C2orf76: variants seen among roughly 807,000 people sequenced by gnomAD.
C2orf76 encodes the protein UPF0538 protein C2orf76.
Under a neutral mutation model 16.9 loss-of-function variants are expected in C2orf76, and 23 were observed. The observed-to-expected ratio is 1.36, with a 90% confidence interval of 0.98 to 1.93. The LOEUF is 1.93. Ranked by LOEUF, C2orf76 falls within the 30% of genes most tolerant of loss-of-function variation. C2orf76 has a pLI of 0.00. For synonymous variants in C2orf76, 48 were observed against 52.3 expected (o/e 0.92, Z 0.35); for missense variants, 152 against 152.6 (o/e 1.00, Z 0.02).
chr2:119,312,609 A>T (rs1370736766), intron 4 of C2orf76, among the ~76,000 whole-genome samples: 1 of 152,180 alleles, frequency 6.6e-6, no homozygotes, highest in Non-Finnish European at 1.5e-5. Flanking sequence ...CAAGCTAAAA[A>T]ACATCTGGTT....
chr2:119,318,422 C>G (rs1679244591), intron 3 of C2orf76, among the ~76,000 whole-genome samples: 1 of 152,070 alleles, frequency 6.6e-6, no homozygotes, highest in South Asian at 2.1e-4. Context: ...TAAAACAGAC[C>G]TTATTTAACT....
chr2:119,301,470 G>A (rs1329889336), downstream of C2orf76, among the ~76,000 whole-genome samples: 2 of 152,162 alleles, frequency 1.3e-5, no homozygotes, highest in African/African-American at 4.8e-5. Context: ...GACTCAAGGA[G>A]CAATGGCAGA....
chr2:119,312,794 G>A (rs188673014), intron 4 of C2orf76, among the ~76,000 whole-genome samples: 10 of 151,966 alleles, frequency 6.6e-5, no homozygotes, highest in South Asian at 2.1e-4. Flanking sequence ...TTGGCAGGCC[G>A]AGGCAGGCAG....
chr2:119,355,559 G>C (rs1277298889), intron 1 of C2orf76, among the ~76,000 whole-genome samples: 1 of 152,158 alleles, frequency 6.6e-6, no homozygotes, highest in Non-Finnish European at 1.5e-5. Flanking sequence ...GATTGCCCCT[G>C]TGGGACCTAT....
chr2:119,321,038 C>T (rs1422369847), intron 3 of C2orf76, 116 bp downstream of exon 3: 6 of 515,038 alleles, frequency 1.2e-5, no homozygotes, highest in Non-Finnish European at 2.0e-5. Context: ...TCTAAATAAA[C>T]TTCCAAATTG....
In C2orf76 at chr2:119,329,812, G is replaced by A. The variant is rs558831068; in HGVS notation, c.134-8608C>T. Among the ~76,000 whole-genome samples, 22 of 151,750 alleles carry A rather than the reference G, an allele frequency of 1.4e-4. No homozygotes were observed. In the South Asian group the frequency reaches 4.6e-3, roughly 32 times the overall value. ...AAATTTCCCACAAAACCCACAATAC[G>A]TTGTTGTTGTGTTTCTTTAAATGGT... is the stretch of plus-strand genomic sequence containing the variant. On this transcript the variant is annotated intron_variant, in intron 2 of 5. Coordinates refer to ENST00000334816, the MANE Select transcript of C2orf76 (RefSeq NM_001322331.2).
At chr2:119,365,121 A>G (rs1309691551) in intron 1 of C2orf76, among the ~76,000 whole-genome samples, 1 of 152,124 alleles carries the variant, frequency 6.6e-6, no homozygotes, top group East Asian at 1.9e-4. Flanking sequence ...TAAAAAACTA[A>G]AAGCAACTGA....
At chr2:119,292,717 TG>T in the C2orf76 span, among the ~76,000 whole-genome samples, 11 of 152,170 alleles carry the variant, frequency 7.2e-5, no homozygotes, top group Non-Finnish European at 1.5e-4. Flanking sequence ...TTCAACAAGC[TG>T]TAAAGTTTCG....
chr2:119,327,471 C>T (rs991063193), intron 2 of C2orf76, among the ~76,000 whole-genome samples: 7 of 149,670 alleles, frequency 4.7e-5, no homozygotes, highest in African/African-American at 1.2e-4. Context: ...CCAAAGTTGG[C>T]GATGAGCCTA....
downstream of C2orf76, among the ~76,000 whole-genome samples, chr2:119,298,051 C>T (rs1197200259): frequency 6.6e-6 from 1 of 152,138 alleles, no homozygotes; most frequent in African/African-American, 2.4e-5. Flanking sequence ...TCAAGCAATC[C>T]GCCCCCCTCA....
the C2orf76 span, among the ~76,000 whole-genome samples, chr2:119,295,821 C>T: frequency 2.0e-4 from 30 of 152,320 alleles, 1 homozygote; most frequent in East Asian, 5.8e-3. Flanking sequence ...ACATTATTCA[C>T]TGAACACTCA....
rs370270842 is a variant in C2orf76 at position 119,333,001 on chromosome 2, G to A, written c.133+6826C>T. Among the ~76,000 whole-genome samples the A allele has an allele frequency of 3.3e-5, 5 of 152,274 alleles. No individual in the cohort carries two copies. In the East Asian group the frequency reaches 9.6e-4, roughly 29 times the overall value. On this transcript the variant is annotated intron_variant, in intron 2 of 5. Coordinates refer to ENST00000334816, the MANE Select transcript of C2orf76 (RefSeq NM_001322331.2). The stretch of plus-strand genomic sequence containing the variant: ...TCCCGCTTTGGCCTCCCAAAGTGCT[G>A]GGATTACGGTGTGAGCCACCACGCC...
intron 3 of C2orf76, among the ~76,000 whole-genome samples, chr2:119,317,944 T>C (rs1679226241): frequency 1.3e-5 from 2 of 152,178 alleles, no homozygotes; most frequent in Non-Finnish European, 2.9e-5. Flanking sequence ...CAAATGATGA[T>C]ACAGGTGTTG....
intron 4 of C2orf76, among the ~76,000 whole-genome samples, chr2:119,312,992 C>T (rs572343201): frequency 2.0e-5 from 3 of 150,508 alleles, no homozygotes; most frequent in Non-Finnish European, 2.9e-5. Flanking sequence ...TGCACTACTG[C>T]GCTCCAGCCT....
intron 1 of C2orf76, among the ~76,000 whole-genome samples, chr2:119,364,277 C>T (rs932680275): frequency 2.0e-4 from 31 of 152,064 alleles, no homozygotes; most frequent in Non-Finnish European, 3.4e-4. Context: ...TGAAGGCAAA[C>T]TACAACAATG....
At chr2:119,317,567 A>G in intron 3 of C2orf76, 64 bp from the exon 4 acceptor site, 1 of 1,368,958 alleles carries the variant, frequency 7.3e-7, no homozygotes, top group Non-Finnish European at 1.0e-6. Flanking sequence ...CAAATTATTA[A>G]AATGGGTGGA....
At chr2:119,348,571 A>C (rs1333400434) in intron 1 of C2orf76, among the ~76,000 whole-genome samples, 2 of 152,146 alleles carry the variant, frequency 1.3e-5, no homozygotes, top group East Asian at 3.8e-4. Context: ...CTGTAATCCC[A>C]GCTACTCGGG....
At chr2:119,342,147 C>A (rs923846788) in intron 1 of C2orf76, among the ~76,000 whole-genome samples, 1 of 151,984 alleles carries the variant, frequency 6.6e-6, no homozygotes, top group Admixed American at 6.6e-5. Flanking sequence ...TGTACTCCTA[C>A]GATAGAATAT....
At chr2:119,329,651 G>A (rs1457308180) in intron 2 of C2orf76, among the ~76,000 whole-genome samples, 1 of 151,930 alleles carries the variant, frequency 6.6e-6, no homozygotes, top group East Asian at 1.9e-4. Flanking sequence ...AGATTGTGGG[G>A]TTGGGAGGCA....
Sources: allele counts gnomAD v4.1 joint callset (sites outside exome capture counted in the v4.1 genomes callset), GRCh38; gene constraint gnomAD v4.1.1; transcripts MANE v1.5; gene names NCBI Gene and HGNC (gene_info 2026-07-23, HGNC 2026-07-21).